The following RSPH14 variants were observed in gnomAD, a reference collection of about 807,000 sequenced individuals.
The protein encoded by RSPH14 is radial spoke head 14 homolog.
In RSPH14, 20 loss-of-function variants were observed where a neutral mutation model predicts 26.7. That is an observed-to-expected ratio of 0.75 (90% CI 0.53 to 1.09). The LOEUF (loss-of-function observed/expected upper bound fraction) is 1.09, where lower values mean the gene tolerates loss of function less well. Ranked by LOEUF, RSPH14 falls within the 50% of genes least tolerant of loss-of-function variation. RSPH14 has a pLI of 0.00. For synonymous variants in RSPH14, 177 were observed against 189.3 expected, an observed-to-expected ratio of 0.93 and a Z score of 0.53; for missense variants, 449 against 457.2, an observed-to-expected ratio of 0.98 and a Z score of 0.16.
In RSPH14 at chr22:23,096,749, A is replaced by T. The variant is rs79077331; in HGVS notation, c.422-32616T>A. Among the ~76,000 whole-genome samples, 1,259 of 152,346 alleles carry T rather than the reference A, an allele frequency of 8.3e-3. 13 individuals are homozygous for T. The highest frequency in any genetic ancestry group is 0.013 in the Non-Finnish European group (888 of 68,040). On this transcript the variant is annotated intron_variant, in intron 4 of 6. Coordinates refer to ENST00000216036, the MANE Select transcript of RSPH14 (RefSeq NM_014433.3). ...CTGCCAGCACCAGTCTCCTACCAGC[A>T]TATAGGTCCAGGAACAGCAGCCACC... is the stretch of plus-strand genomic sequence containing the variant.
chr22:23,128,791 G>C (rs980612579), intron 4 of RSPH14, among the ~76,000 whole-genome samples: 5 of 152,242 alleles, frequency 3.3e-5, no homozygotes, highest in Non-Finnish European at 7.3e-5. Flanking sequence ...GTGAACTGTA[G>C]CAAGAAGACA....
the RSPH14 span, among the ~76,000 whole-genome samples, chr22:23,172,722 G>A: frequency 6.6e-6 from 1 of 151,566 alleles, no homozygotes; most frequent in Non-Finnish European, 1.5e-5. Context: ...GGCCGAGGCA[G>A]GGTGGATTGT....
intron 4 of RSPH14, among the ~76,000 whole-genome samples, chr22:23,083,581 G>A (rs1601766918): frequency 6.6e-6 from 1 of 152,168 alleles, no homozygotes; most frequent in East Asian, 1.9e-4. Flanking sequence ...GGGAGGGAGG[G>A]TAGAGCAGGA....
At chr22:23,109,411 T>A (rs909902366) in intron 4 of RSPH14, among the ~76,000 whole-genome samples, 3 of 151,944 alleles carry the variant, frequency 2.0e-5, no homozygotes, top group Non-Finnish European at 4.4e-5. Context: ...TCCTCTCAGG[T>A]CTTTTTGGGA....
At chr22:23,111,323 G>C (rs980387823) in intron 4 of RSPH14, among the ~76,000 whole-genome samples, 1 of 152,218 alleles carries the variant, frequency 6.6e-6, no homozygotes, top group Non-Finnish European at 1.5e-5. Flanking sequence ...AGGGGGTGCG[G>C]CCACAAATCT....
At chr22:23,100,464 G>A (rs2069265951) in intron 4 of RSPH14, among the ~76,000 whole-genome samples, 1 of 152,242 alleles carries the variant, frequency 6.6e-6, no homozygotes, top group African/African-American at 2.4e-5. Flanking sequence ...GGGGACGGGG[G>A]ACATAAGAAC....
At chr22:23,153,879 G>C in the RSPH14 span, among the ~76,000 whole-genome samples, 5 of 151,840 alleles carry the variant, frequency 3.3e-5, no homozygotes, top group African/African-American at 1.2e-4. Flanking sequence ...AGTAGAGATG[G>C]GGTTTTACTA....
the RSPH14 span, among the ~76,000 whole-genome samples, chr22:23,155,487 T>G: frequency 6.6e-6 from 1 of 152,076 alleles, no homozygotes; most frequent in African/African-American, 2.4e-5. Flanking sequence ...TATCTCCAAC[T>G]CCTACTTTGG....
chr22:23,114,385 G>A (rs1039792663), intron 4 of RSPH14, among the ~76,000 whole-genome samples: 2 of 152,172 alleles, frequency 1.3e-5, no homozygotes, highest in South Asian at 2.1e-4. Flanking sequence ...GGGACAGACC[G>A]GCCCCGGCCC....
upstream of RSPH14, among the ~76,000 whole-genome samples, chr22:23,142,914 C>A (rs2070626561): frequency 6.6e-6 from 1 of 152,234 alleles, no homozygotes; most frequent in African/African-American, 2.4e-5. Flanking sequence ...ATGCCAGACT[C>A]TCTCTTAACC....
chr22:23,169,578 G>C, the RSPH14 span, among the ~76,000 whole-genome samples: 2 of 152,230 alleles, frequency 1.3e-5, no homozygotes, highest in African/African-American at 2.4e-5. Flanking sequence ...TTGGGCTCAA[G>C]TCTGGGCCCC....
intron 4 of RSPH14, among the ~76,000 whole-genome samples, chr22:23,076,480 C>T (rs750771727): frequency 6.6e-6 from 1 of 152,194 alleles, no homozygotes; most frequent in Non-Finnish European, 1.5e-5. Flanking sequence ...AGAGGTTGTA[C>T]CTTTGGGTCC....
At chr22:23,130,075 GAAAGAAAGGAAGAAAGAAAGAAAGAAA>G (rs1569192363) in intron 4 of RSPH14, among the ~76,000 whole-genome samples, 8 of 28,592 alleles carry the variant, frequency 2.8e-4, no homozygotes, top group Non-Finnish European at 5.1e-4. Flanking sequence ...AAGAAAGAAA[GAAAGAAAGGAAGAAAGAAAGAAAGAAA>G]GAAAGAAAGA....
chr22:23,150,958 C>T, the RSPH14 span, among the ~76,000 whole-genome samples: 9 of 152,236 alleles, frequency 5.9e-5, no homozygotes, highest in South Asian at 2.1e-4. Flanking sequence ...CTCTTCCTGC[C>T]GCGGCAGCTC....
At chr22:23,160,917 C>T in the RSPH14 span, 1 of 1,613,946 alleles carries the variant, frequency 6.2e-7, no homozygotes, top group Admixed American at 1.7e-5. Flanking sequence ...CGTAGCCGCC[C>T]TGGCATTCGA....
At chr22:23,090,411 C>A (rs560637841) in intron 4 of RSPH14, among the ~76,000 whole-genome samples, 2 of 152,300 alleles carry the variant, frequency 1.3e-5, no homozygotes, top group East Asian at 3.9e-4. Context: ...CCCCTTTTAT[C>A]ACCTGGATGT....
At chr22:23,123,161 C>T (rs2146403715) in intron 4 of RSPH14, 2 of 1,613,898 alleles carry the variant, frequency 1.2e-6, no homozygotes, top group East Asian at 4.5e-5. Flanking sequence ...CCTCACTCAT[C>T]CTCTTCCTGA....
At chr22:23,150,099 C>G in the RSPH14 span, 1,334 of 1,612,416 alleles carry the variant, frequency 8.3e-4, 8 homozygotes, top group African/African-American at 0.016. Context: ...GCTCAGGGAG[C>G]ACTTCCACGG....
the RSPH14 span, among the ~76,000 whole-genome samples, chr22:23,157,060 A>G: frequency 6.6e-6 from 1 of 152,174 alleles, no homozygotes; most frequent in Admixed American, 6.5e-5. Context: ...AATGTTCTCC[A>G]CATAGGGCTC....
Sources: gnomAD v4.1 joint callset for allele counts (sites outside exome capture counted in the v4.1 genomes callset) on GRCh38, gnomAD v4.1.1 for gene constraint, MANE v1.5 for transcripts, NCBI Gene and HGNC (gene_info 2026-07-23, HGNC 2026-07-21) for gene names.